MRAP2: variants seen among roughly 807,000 people sequenced by gnomAD.
The protein encoded by MRAP2 is melanocortin 2 receptor accessory protein 2.
A neutral mutation model predicts 17.4 loss-of-function variants in MRAP2; 20 were observed. The observed-to-expected ratio is 1.15, with a 90% CI of 0.81 to 1.67. MRAP2 has a LOEUF of 1.67. MRAP2 is among the 40% of genes most tolerant of loss of function. The probability of loss-of-function intolerance (pLI) is 0.00; values close to 1 mark genes in which losing one functional copy is unlikely to be tolerated. For synonymous variants in MRAP2, 96 were observed against 88.4 expected, an observed-to-expected ratio of 1.09 and a Z score of -0.48; for missense variants, 238 against 240.0, an observed-to-expected ratio of 0.99 and a Z score of 0.05.
chr6:84,093,843 G>A (rs1356208529), downstream of MRAP2, among the ~76,000 whole-genome samples: 1 of 152,196 alleles, frequency 6.6e-6, no homozygotes, highest in Admixed American at 6.5e-5. Context: ...GGGGCCTCAG[G>A]GAAGTCCCTA....
intron 1 of MRAP2, among the ~76,000 whole-genome samples, chr6:84,040,755 T>A (rs937947868): frequency 1.3e-5 from 2 of 152,096 alleles, no homozygotes; most frequent in African/African-American, 4.8e-5. Flanking sequence ...GATCTGTGGA[T>A]CATCAGAGAG....
the MRAP2 span, among the ~76,000 whole-genome samples, chr6:84,112,676 A>G: frequency 1.3e-5 from 2 of 151,774 alleles, no homozygotes; most frequent in East Asian, 3.9e-4. Flanking sequence ...TTGCCTCTCT[A>G]GTTCTTTTGT....
chr6:84,055,576 A>G, intron 2 of MRAP2, 131 bp downstream of exon 2: 2 of 872,094 alleles, frequency 2.3e-6, no homozygotes, highest in Middle Eastern at 3.4e-4. Context: ...CCCAAATTCT[A>G]CAAAACATCT....
chr6:84,059,148 C>T (rs1029470809), intron 2 of MRAP2, among the ~76,000 whole-genome samples: 1 of 152,094 alleles, frequency 6.6e-6, no homozygotes, highest in African/African-American at 2.4e-5. Flanking sequence ...CCACTCTGGC[C>T]GCTGTGTTGA....
intron 1 of MRAP2, among the ~76,000 whole-genome samples, chr6:84,038,836 T>G (rs1348181837): frequency 6.6e-6 from 1 of 152,212 alleles, no homozygotes; most frequent in Admixed American, 6.5e-5. Context: ...AGAAACATCA[T>G]GGGATCTACT....
At position 84,089,251 on chromosome 6, in the gene MRAP2, A is replaced by C; in HGVS notation, c.388A>C (p.Lys130Gln). The change falls in exon 4 of 4, where the codon AAA becomes CAA. Residue 130 changes from lysine to glutamine, a missense_variant. Coordinates refer to ENST00000257776, the MANE Select transcript of MRAP2 (RefSeq NM_138409.4). ...INEVERLDRA[K>Q]ACHQTTALDS... ...TGAGGTGGAACGCTTGGACAGAGCC[A>C]AAGCTTGTCACCAGACCACAGCCCT... The C allele has an allele frequency of 1.2e-6, 2 of 1,614,202 alleles. No individual in the cohort carries two copies. Among genetic ancestry groups the C allele is most frequent in the East Asian group, 2.2e-5 (1 of 44,878 alleles).
downstream of MRAP2, among the ~76,000 whole-genome samples, chr6:84,092,496 A>G (rs925866462): frequency 6.6e-6 from 1 of 152,212 alleles, no homozygotes; most frequent in African/African-American, 2.4e-5. Context: ...ATCTAATTTC[A>G]GTATTAGTGA....
intron 2 of MRAP2, among the ~76,000 whole-genome samples, chr6:84,055,862 G>A (rs2099491589): frequency 6.6e-6 from 1 of 152,184 alleles, no homozygotes; most frequent in African/African-American, 2.4e-5. Flanking sequence ...GTTTCCTGGA[G>A]CTGTGGAGAG....
chr6:84,041,065 C>G (rs960913553), intron 1 of MRAP2, among the ~76,000 whole-genome samples: 2 of 152,102 alleles, frequency 1.3e-5, no homozygotes, highest in East Asian at 1.9e-4. Context: ...GGGTTCAGGC[C>G]CCCCCTGCTG....
At chr6:84,063,375 AC>A in intron 3 of MRAP2, 1 of 985,406 alleles carries the variant, frequency 1.0e-6, no homozygotes, top group East Asian at 1.1e-4. Flanking sequence ...TAGGATGAAA[AC>A]CAGTTTTAAA....
intron 1 of MRAP2, among the ~76,000 whole-genome samples, chr6:84,044,900 A>G (rs2129159922): frequency 6.6e-6 from 1 of 152,316 alleles, no homozygotes; most frequent in East Asian, 1.9e-4. Context: ...TGGATGGAAA[A>G]TATTTAAACA....
chr6:84,040,384 A>G (rs1467235397), intron 1 of MRAP2, among the ~76,000 whole-genome samples: 1 of 152,228 alleles, frequency 6.6e-6, no homozygotes, highest in Non-Finnish European at 1.5e-5. Flanking sequence ...ATAAATTGGT[A>G]CTGAGGTAGT....
the MRAP2 span, among the ~76,000 whole-genome samples, chr6:84,134,798 T>C: frequency 6.6e-6 from 1 of 152,268 alleles, no homozygotes; most frequent in South Asian, 2.1e-4. Context: ...TTTGACCATC[T>C]TGCCAGCCTC....
At chr6:84,064,766 C>T (rs543072623) in intron 3 of MRAP2, among the ~76,000 whole-genome samples, 12 of 152,150 alleles carry the variant, frequency 7.9e-5, no homozygotes, top group Non-Finnish European at 1.5e-4. Flanking sequence ...GGATTACAGG[C>T]GTGAGCCACC....
the MRAP2 span, among the ~76,000 whole-genome samples, chr6:84,115,617 G>C: frequency 6.6e-6 from 1 of 152,050 alleles, no homozygotes; most frequent in Non-Finnish European, 1.5e-5. Context: ...GGCACCACTG[G>C]GGTATGGAAA....
At chr6:84,033,481 C>T (rs1347134266), upstream of MRAP2, among the ~76,000 whole-genome samples, 1 of 152,256 alleles carries the variant, frequency 6.6e-6, no homozygotes, top group Non-Finnish European at 1.5e-5. Flanking sequence ...CCCTCTTGCT[C>T]AGCTAATGAG....
chr6:84,082,517 A>C (rs2099499264), intron 3 of MRAP2, among the ~76,000 whole-genome samples: 1 of 152,174 alleles, frequency 6.6e-6, no homozygotes, highest in African/African-American at 2.4e-5. Flanking sequence ...AATTTACTAC[A>C]CAGATTCTTT....
intron 3 of MRAP2, among the ~76,000 whole-genome samples, chr6:84,081,249 T>C (rs992419952): frequency 6.6e-6 from 1 of 152,202 alleles, no homozygotes; most frequent in Non-Finnish European, 1.5e-5. Flanking sequence ...CATTATGATA[T>C]GGAGTCTTTT....
chr6:84,060,907 G>GC (rs1229179650), intron 2 of MRAP2, among the ~76,000 whole-genome samples: 3 of 142,064 alleles, frequency 2.1e-5, no homozygotes, highest in African/African-American at 8.4e-5. Flanking sequence ...CACTGTCTTA[G>GC]CCAGGATGGT....
Sources: allele counts gnomAD v4.1 joint callset (sites outside exome capture counted in the v4.1 genomes callset), GRCh38; gene constraint gnomAD v4.1.1; transcripts MANE v1.5; gene names NCBI Gene and HGNC (gene_info 2026-07-23, HGNC 2026-07-21).